Variants in DCC observed in about 807,000 individuals in gnomAD.
DCC encodes netrin receptor DCC.
A neutral mutation model predicts 172.5 loss-of-function variants in DCC; 58 were observed. That is an observed-to-expected ratio of 0.34 (90% confidence interval 0.27 to 0.42). The LOEUF (loss-of-function observed/expected upper bound fraction) is 0.42. Ranked by LOEUF, DCC falls within the 10% of genes least tolerant of loss-of-function variation. DCC has a pLI of 1.00. For synonymous variants in DCC, 709 were observed against 644.5 expected, an observed-to-expected ratio of 1.10 and a Z score of -1.52; for missense variants, 1,740 against 1,791.0, an observed-to-expected ratio of 0.97 and a Z score of 0.51.
rs140173914 is a variant in DCC at position 53,205,098 on chromosome 18, A to G, written c.1574-118A>G. The G allele has an allele frequency of 6.9e-3, 5,441 of 785,108 alleles. 38 individuals are homozygous for G. Among genetic ancestry groups the G allele is most frequent in the Middle Eastern group, 0.015 (42 of 2,830 alleles). 48.6% of individuals were successfully genotyped at this position (785,108 alleles called of 1,614,324 possible). On this transcript the variant is annotated intron_variant, in intron 9 of 28. Transcript: ENST00000442544. ...TTATATTCTTATTCCATATTATTCT[A>G]AAATACATACTCCTAGAATTTTATT...
rs537722332 is a variant in DCC, at chr18:52,540,707, T to C, written c.91+199829T>C. ...CTGCAAGCTCCACCTCCCGGGTTCATGCCATTCTCCTGCCTCAGCCTCCTG... is the reference window on the plus strand; with the variant it reads ...CTGCAAGCTCCACCTCCCGGGTTCACGCCATTCTCCTGCCTCAGCCTCCTG... On this transcript the variant is annotated intron_variant, in intron 1 of 28. Transcript: ENST00000442544. Among the ~76,000 whole-genome samples, 103 of 144,954 alleles carry C rather than the reference T, an allele frequency of 7.1e-4. 1 individual carries two copies. Among genetic ancestry groups the C allele is most frequent in the Middle Eastern group, 7.4e-3 (2 of 270 alleles).
intron 5 of DCC, 68 bp downstream of exon 5, chr18:52,925,438 C>T: frequency 8.1e-6 from 12 of 1,476,364 alleles, no homozygotes; most frequent in Non-Finnish European, 1.1e-5. Flanking sequence ...CATTTTAATG[C>T]TCATCACTGA....
At chr18:53,304,220 G>A (rs1568042490) in intron 12 of DCC, among the ~76,000 whole-genome samples, 1 of 152,120 alleles carries the variant, frequency 6.6e-6, no homozygotes, top group Non-Finnish European at 1.5e-5. Flanking sequence ...AGGAATGACT[G>A]TTCTCATTTA....
chr18:52,655,399 A>T (rs1429314631), intron 1 of DCC, among the ~76,000 whole-genome samples: 1 of 152,190 alleles, frequency 6.6e-6, no homozygotes, highest in Non-Finnish European at 1.5e-5. Context: ...TCTAAGTGTA[A>T]TCTTTGAAAC....
chr18:53,483,934 C>G (rs144733348), intron 25 of DCC, among the ~76,000 whole-genome samples: 1 of 151,302 alleles, frequency 6.6e-6, no homozygotes, highest in East Asian at 1.9e-4. Context: ...GATCTAAACA[C>G]TGTGAAACCT....
rs1568192111 is a variant in DCC, at chr18:52,927,128, C to CGTGTATATATACGTGTATACGTGT, written c.985+1760_985+1761insGTATATATACGTGTATACGTGTGT. 7.4e-4 allele frequency among the ~76,000 whole-genome samples: 27 copies of CGTGTATATATACGTGTATACGTGT among 36,466 alleles called. 4 individuals are homozygous for CGTGTATATATACGTGTATACGTGT. The highest frequency in any genetic ancestry group is 1.5e-3 in the Non-Finnish European group (20 of 13,452). 23.9% of individuals were successfully genotyped at this position (36,466 alleles called of 152,430 possible). A position where few individuals can be genotyped will look rare whatever the true frequency, so the allele number is the denominator to read the frequency against. On this transcript the variant is annotated intron_variant, in intron 5 of 28. Transcript: ENST00000442544. ...ATACACGTATATACGTGTATATACA[C>CGTGTATATATACGTGTATACGTGT]GTATATACGTGTATATATGTGTATA...
chr18:53,207,079 C>T (rs2055663507), intron 10 of DCC, among the ~76,000 whole-genome samples: 1 of 151,976 alleles, frequency 6.6e-6, no homozygotes, highest in Non-Finnish European at 1.5e-5. Context: ...ACGCATTTTG[C>T]CAACCAATTT....
chr18:52,867,676 G>T (rs1022827819), intron 2 of DCC, among the ~76,000 whole-genome samples: 4 of 152,112 alleles, frequency 2.6e-5, no homozygotes, highest in Admixed American at 6.5e-5. Flanking sequence ...GCGTAGAGGT[G>T]TTTATAATAT....
chr18:53,517,889 T>TA (rs2046356195), intron 27 of DCC, among the ~76,000 whole-genome samples: 1 of 152,168 alleles, frequency 6.6e-6, no homozygotes, highest in Non-Finnish European at 1.5e-5. Context: ...TTATGAGGGA[T>TA]GCCTGAGGCT....
chr18:52,460,904 C>T (rs953476847), intron 1 of DCC, among the ~76,000 whole-genome samples: 11 of 152,140 alleles, frequency 7.2e-5, no homozygotes, highest in Admixed American at 5.2e-4. Flanking sequence ...ACATGATGTA[C>T]ACTATTGTAG....
At chr18:52,542,465 TA>T (rs960599422) in intron 1 of DCC, among the ~76,000 whole-genome samples, 2 of 151,974 alleles carry the variant, frequency 1.3e-5, no homozygotes, top group African/African-American at 4.8e-5. Flanking sequence ...ATTTCTGTTT[TA>T]AAAAAAACCA....
chr18:53,245,866 G>A (rs973840399), intron 12 of DCC, among the ~76,000 whole-genome samples: 5 of 151,978 alleles, frequency 3.3e-5, no homozygotes, highest in Non-Finnish European at 7.4e-5. Flanking sequence ...TCAGGCTTTC[G>A]TAGTTTAGTT....
Position 52,497,283 on chromosome 18 carries a change from A to ATG in DCC, c.91+156406_91+156407insGT, listed in dbSNP as rs60002136. Among the ~76,000 whole-genome samples the ATG allele has an allele frequency of 2.8e-4, 7 of 24,886 alleles. 1 individual carries two copies. The highest frequency in any genetic ancestry group is 4.7e-4 in the Non-Finnish European group (6 of 12,842). The allele number at this position is 24,886 out of a possible 152,430, so 16.3% of individuals were successfully genotyped here. A position where few individuals can be genotyped will look rare whatever the true frequency, so the allele number is the denominator to read the frequency against. ...ATCAAAAAAAAAAAAAAAAAAAAAT[A>ATG]TATATATATATATATATATATATAT... On this transcript the variant is annotated intron_variant, in intron 1 of 28. Transcript: ENST00000442544.
intron 5 of DCC, among the ~76,000 whole-genome samples, chr18:52,942,812 C>A (rs542892164): frequency 6.6e-6 from 1 of 152,154 alleles, no homozygotes; most frequent in African/African-American, 2.4e-5. Flanking sequence ...ATATCACTTA[C>A]CAATTTGAAA....
At chr18:53,107,475 G>T (rs891290440) in intron 7 of DCC, among the ~76,000 whole-genome samples, 1 of 142,558 alleles carries the variant, frequency 7.0e-6, no homozygotes, top group Non-Finnish European at 1.5e-5. Context: ...AGAGAATTGT[G>T]TCTGATGCTC....
chr18:52,399,575 G>A (rs1209192817), intron 1 of DCC, among the ~76,000 whole-genome samples: 1 of 151,726 alleles, frequency 6.6e-6, no homozygotes, highest in East Asian at 1.9e-4. Flanking sequence ...TATTTTTTTA[G>A]AGTCACATCT....
chr18:53,015,609 G>A (rs1222505181), intron 5 of DCC, among the ~76,000 whole-genome samples: 2 of 151,998 alleles, frequency 1.3e-5, no homozygotes, highest in East Asian at 3.9e-4. Flanking sequence ...GCTTAGAAGA[G>A]GTTATATCCT....
chr18:53,207,552 A>G, intron 10 of DCC, 127 bp from the exon 11 acceptor site: 1 of 886,782 alleles, frequency 1.1e-6, no homozygotes, highest in Non-Finnish European at 1.8e-6. Context: ...TAGGTTTTAT[A>G]GCTCATTAGA....
At chr18:53,383,233 A>G (rs570935121) in intron 15 of DCC, among the ~76,000 whole-genome samples, 1 of 151,964 alleles carries the variant, frequency 6.6e-6, no homozygotes, top group Non-Finnish European at 1.5e-5. Flanking sequence ...TAATGCTTAG[A>G]TCCATTCATT....
Sources: allele counts gnomAD v4.1 joint callset (sites outside exome capture counted in the v4.1 genomes callset), GRCh38; gene constraint gnomAD v4.1.1; transcripts MANE v1.5; gene names NCBI Gene and HGNC (gene_info 2026-07-23, HGNC 2026-07-21).